KIF23: variants seen among roughly 807,000 people sequenced by gnomAD.
KIF23 encodes kinesin-like protein KIF23.
Under a neutral mutation model 137.5 loss-of-function variants are expected in KIF23, and 30 were observed. The observed-to-expected ratio is 0.22, with a 90% CI of 0.16 to 0.30. The LOEUF (loss-of-function observed/expected upper bound fraction) is 0.30. KIF23 is among the 10% of genes least tolerant of loss of function. The pLI is 1.00. For missense variants in KIF23, 920 were observed against 1,194.3 expected, an observed-to-expected ratio of 0.77 and a Z score of 3.38; for synonymous variants, 367 against 391.1, an observed-to-expected ratio of 0.94 and a Z score of 0.73.
At chr15:69,424,598 G>C (rs967113258) in intron 7 of KIF23, among the ~76,000 whole-genome samples, 2 of 152,140 alleles carry the variant, frequency 1.3e-5, no homozygotes, top group South Asian at 2.1e-4. Context: ...CCTGGGTTCA[G>C]GTGATCCTCC....
In KIF23 at chr15:69,426,114, T is replaced by A; in HGVS notation, c.821T>A (p.Met274Lys). The A allele has an allele frequency of 6.2e-7, 1 of 1,604,864 alleles. No homozygotes were observed. The highest frequency in any genetic ancestry group is 8.5e-7 in the Non-Finnish European group (1 of 1,178,104). Reference protein sequence around the residue: ...KLLREDKNHNMYVAGCTEVEV... With the variant: ...KLLREDKNHNKYVAGCTEVEV... ...CTTCGTGAAGATAAGAACCATAACA[T>A]GTATGTTGCAGGATGTACAGAAGTT... Residue 274 changes from methionine to lysine, a missense_variant, in exon 9 of 24, where the codon ATG becomes AAG. Met to Lys is a moderately conservative substitution (Grantham distance 95). Around this residue, in one of 4 missense-constraint regions of KIF23, gnomAD observed 714 missense variants for 866.2 expected, o/e 0.82. Transcript: ENST00000679126.
At chr15:69,424,330 A>C (rs1010367664) in intron 7 of KIF23, among the ~76,000 whole-genome samples, 5 of 151,932 alleles carry the variant, frequency 3.3e-5, no homozygotes, top group Admixed American at 2.6e-4. Context: ...AAATATTAAC[A>C]CTCTTAATAC....
intron 11 of KIF23, among the ~76,000 whole-genome samples, chr15:69,434,031 A>G (rs1455941977): frequency 6.6e-6 from 1 of 152,230 alleles, no homozygotes; most frequent in Non-Finnish European, 1.5e-5. Flanking sequence ...GGGATGGGCC[A>G]CAGTAGTTTG....
chr15:69,428,360 T>TTA (rs2140348514), intron 10 of KIF23, among the ~76,000 whole-genome samples: 1 of 151,988 alleles, frequency 6.6e-6, no homozygotes, highest in African/African-American at 2.4e-5. Context: ...TCACTTCTTT[T>TTA]TATAAGAATT....
At chr15:69,441,114 A>G in intron 19 of KIF23, 35 bp downstream of exon 19, 1 of 1,522,130 alleles carries the variant, frequency 6.6e-7, no homozygotes, top group Non-Finnish European at 8.9e-7. Flanking sequence ...CATTGTAGCA[A>G]TAGATTTTAT....
Position 69,444,838 on chromosome 15 carries a change from A to G in KIF23, c.2470A>G (p.Arg824Gly). The change falls in exon 20 of 24, where the codon AGA (arginine) becomes GGA (glycine). Residue 824 changes from arginine to glycine, a missense_variant. Physicochemically the swap from Arg to Gly is moderately radical, Grantham distance 125 (BLOSUM62 -2). Transcript: ENST00000679126. This position sits in a 1 kb window ranked among gnomAD's most constrained non-coding sequence, Gnocchi z 4.2. ...QNAPPIRLRH[R>G]RSRSAGDRWV... ...CGCACCACCAATTCGTCTCCGACAC[A>G]GACGATCACGCTCTGCAGGAGACAG... is the stretch of plus-strand genomic sequence containing the variant. 1 of 1,614,198 alleles carries G rather than the reference A, an allele frequency of 6.2e-7. No homozygotes were observed. Among genetic ancestry groups the G allele is most frequent in the African/African-American group, 1.3e-5 (1 of 75,058 alleles).
At chr15:69,429,067 C>T (rs1567066215) in intron 10 of KIF23, 44 bp from the exon 11 acceptor site, 1 of 1,278,484 alleles carries the variant, frequency 7.8e-7, no homozygotes, top group African/African-American at 1.5e-5. Context: ...CATTATAAAC[C>T]AGTTATAACC....
In KIF23 at chr15:69,421,641, CCA is replaced by C; in HGVS notation, c.211-3_211-2del. On this transcript the variant is annotated splice_polypyrimidine_tract_variant and splice_region_variant and intron_variant, in intron 3 of 23. Transcript: ENST00000679126. ...CTATTTAGTGCATTTTTTTCTCTCT[CCA>C]CAGACTCAGTATTCATTTAAACAAG... 11 of 1,579,726 alleles carry C rather than the reference CCA, an allele frequency of 7.0e-6. No individual in the cohort carries two copies. Among genetic ancestry groups the C allele is most frequent in the Non-Finnish European group, 9.6e-6 (11 of 1,149,768 alleles).
intron 10 of KIF23, chr15:69,426,676 C>A: frequency 1.9e-6 from 1 of 516,878 alleles, no homozygotes; most frequent in Middle Eastern, 5.3e-4. Context: ...ACTGAGATCG[C>A]GCCACTGTAG....
intron 3 of KIF23, 110 bp downstream of exon 3, chr15:69,417,621 CTTA>C: frequency 8.4e-7 from 1 of 1,184,024 alleles, no homozygotes; most frequent in African/African-American, 1.5e-5. Context: ...TTTCAAAAGA[CTTA>C]TTTACTTCAT....
chr15:69,446,055 C>T lies in KIF23; in HGVS notation c.2720C>T (p.Thr907Ile). ...TRGGGQSVQF[T>I]DIETLKQESP... ...GGTGGTGGACAATCTGTTCAGTTTA[C>T]TGATATTGAGACTTTAAAGCAAGAA... is the stretch of plus-strand genomic sequence containing the variant. Residue 907 changes from threonine (T) to isoleucine (I), a missense_variant, in exon 21 of 24, where the codon ACT (threonine) becomes ATT (isoleucine). By Grantham distance (89) the Thr-to-Ile change is moderately conservative. This residue lies in a region of KIF23 where 75 missense variants were observed against 177.9 expected (regional missense o/e 0.42). Coordinates refer to ENST00000679126, the MANE Select transcript of KIF23 (RefSeq NM_001367805.3). The T allele has an allele frequency of 6.2e-7, 1 of 1,613,790 alleles. No homozygotes were observed. The highest frequency in any genetic ancestry group is 1.3e-5 in the African/African-American group (1 of 75,008).
rs898485392 is a variant in KIF23 at position 69,431,486 on chromosome 15, C to T, written c.1114+2273C>T. 1.1e-4 allele frequency among the ~76,000 whole-genome samples: 16 copies of T among 152,124 alleles called. No homozygotes were observed. The East Asian group carries it at 2.5e-3, about 24-fold the overall frequency. On this transcript the variant is annotated intron_variant, in intron 11 of 23. Coordinates refer to ENST00000679126, the MANE Select transcript of KIF23 (RefSeq NM_001367805.3). ...AAAATTAGCTGGGCGTGGTGGTGGGCGCCTGTAGTCCCAGCTACTCGGGAG... is the reference window on the plus strand; with the variant it reads ...AAAATTAGCTGGGCGTGGTGGTGGGTGCCTGTAGTCCCAGCTACTCGGGAG...
rs1490196455 is a variant in KIF23, at chr15:69,421,568, A to G, written c.211-79A>G. On this transcript the variant is annotated intron_variant, in intron 3 of 23. Coordinates refer to ENST00000679126, the MANE Select transcript of KIF23 (RefSeq NM_001367805.3). Reference sequence around the variant, plus strand: ...TGCTTAGATCTTAAATGTCATAAACACCTTAAGTTTAAGGAGATGTATTTT... The same window carrying G: ...TGCTTAGATCTTAAATGTCATAAACGCCTTAAGTTTAAGGAGATGTATTTT... 7.0e-6 allele frequency: 6 copies of G among 852,082 alleles called. No individual in the cohort carries two copies. In the East Asian group the frequency reaches 1.5e-4, roughly 21 times the overall value. 52.8% of individuals were successfully genotyped at this position (852,082 alleles called of 1,614,324 possible).
chr15:69,436,746 A>G (rs1192020232), intron 15 of KIF23, 24 bp downstream of exon 15: 1 of 1,391,430 alleles, frequency 7.2e-7, no homozygotes, highest in Non-Finnish European at 9.6e-7. Context: ...TATTTGAAAT[A>G]ATTTTATTTA....
intron 20 of KIF23, 73 bp downstream of exon 20, chr15:69,445,114 C>T: frequency 7.3e-7 from 1 of 1,369,006 alleles, no homozygotes; most frequent in Non-Finnish European, 9.9e-7. Flanking sequence ...TCCTGCTACT[C>T]CTTTGGTGAC....
intron 5 of KIF23, 44 bp from the exon 6 acceptor site, chr15:69,422,282 C>T: frequency 1.4e-6 from 2 of 1,451,978 alleles, no homozygotes; most frequent in Non-Finnish European, 1.9e-6. Flanking sequence ...AAGTTAAATT[C>T]TAAAAAACGT....
intron 19 of KIF23, chr15:69,443,880 A>T (rs1483907864): frequency 6.6e-6 from 1 of 152,062 alleles, no homozygotes; most frequent in Non-Finnish European, 1.5e-5. Flanking sequence ...CCTGGGCTCA[A>T]GCAATCCTCC....
intron 8 of KIF23, among the ~76,000 whole-genome samples, chr15:69,425,636 C>T (rs2057170984): frequency 6.6e-6 from 1 of 152,166 alleles, no homozygotes; most frequent in African/African-American, 2.4e-5. Context: ...ATACCAAACT[C>T]TTTCTGAATT....
intron 7 of KIF23, among the ~76,000 whole-genome samples, chr15:69,423,990 G>A (rs1315740879): frequency 6.6e-6 from 1 of 152,070 alleles, no homozygotes; most frequent in African/African-American, 2.4e-5. Context: ...TCAGCTAAAG[G>A]CTTGTCTTTA....
Sources: gnomAD v4.1 joint callset for allele counts (sites outside exome capture counted in the v4.1 genomes callset) on GRCh38, gnomAD v4.1.1 for gene constraint, gnomAD v4.1.1 regional missense constraint, Gnocchi (gnomAD v3.1) non-coding constraint, MANE v1.5 for transcripts, NCBI Gene and HGNC (gene_info 2026-07-23, HGNC 2026-07-21) for gene names.